Variants in CLDN10 observed in about 807,000 individuals in gnomAD.
The protein encoded by CLDN10 is claudin-10.
CLDN10 carries 15 observed loss-of-function variants against 22.9 expected under a neutral mutation model. That is an observed-to-expected ratio of 0.65 (90% CI 0.44 to 1.01). The LOEUF (loss-of-function observed/expected upper bound fraction) is 1.01. Among genes scored for constraint, CLDN10 ranks in the 50% least tolerant of loss-of-function variants. The pLI, the probability that CLDN10 is intolerant of heterozygous loss-of-function variation, is 0.00. For synonymous variants in CLDN10, 114 were observed against 111.4 expected, an observed-to-expected ratio of 1.02 and a Z score of -0.15; for missense variants, 247 against 287.8, an observed-to-expected ratio of 0.86 and a Z score of 1.03.
intron 1 of CLDN10, among the ~76,000 whole-genome samples, chr13:95,485,006 A>G (rs375200175): frequency 7.2e-5 from 11 of 152,156 alleles, no homozygotes; most frequent in African/African-American, 2.6e-4. Context: ...AGTTGAGAGG[A>G]TGGTTGAATG....
chr13:95,539,818 T>G (rs896613404), intron 1 of CLDN10, among the ~76,000 whole-genome samples: 8 of 152,202 alleles, frequency 5.3e-5, no homozygotes, highest in African/African-American at 1.4e-4. Context: ...TAGAGTACAG[T>G]ATTTTATTCA....
chr13:95,470,970 G>A (rs1261498067), intron 1 of CLDN10, among the ~76,000 whole-genome samples: 2 of 152,194 alleles, frequency 1.3e-5, no homozygotes, highest in Non-Finnish European at 2.9e-5. Context: ...GCTGGGGAAA[G>A]TGAAGGAGAC....
intron 1 of CLDN10, among the ~76,000 whole-genome samples, chr13:95,477,466 C>G (rs1437852332): frequency 1.3e-5 from 2 of 152,062 alleles, no homozygotes; most frequent in East Asian, 3.9e-4. Context: ...GCATATCACC[C>G]GGAGGACTCC....
At chr13:95,549,450 C>A (rs2138636305), upstream of CLDN10, among the ~76,000 whole-genome samples, 1 of 152,256 alleles carries the variant, frequency 6.6e-6, no homozygotes, top group Non-Finnish European at 1.5e-5. Context: ...TTTCAAAAAT[C>A]TCTATTTGGT....
chr13:95,436,211 C>G (rs531090138), intron 1 of CLDN10, among the ~76,000 whole-genome samples: 3 of 152,182 alleles, frequency 2.0e-5, no homozygotes, highest in African/African-American at 7.2e-5. Flanking sequence ...TGAGACAGAA[C>G]CTTGCTTTGT....
intron 1 of CLDN10, among the ~76,000 whole-genome samples, chr13:95,495,413 C>A (rs547951296): frequency 6.6e-6 from 1 of 151,668 alleles, no homozygotes. Context: ...GTCAACTGAG[C>A]CTTTTATTTG....
intron 1 of CLDN10, among the ~76,000 whole-genome samples, chr13:95,474,783 G>A (rs946471084): frequency 6.6e-6 from 1 of 152,144 alleles, no homozygotes; most frequent in South Asian, 2.1e-4. Flanking sequence ...AGAGAGACCT[G>A]GTAAGATCTG....
rs539616185 is a variant in CLDN10, at chr13:95,439,162, C to T, written c.214+5115C>T. On this transcript the variant is annotated intron_variant, in intron 1 of 4. Transcript: ENST00000376873. Reference sequence around the variant, plus strand: ...CCACTCAGGCTGCAATAACAAAATACCATAAACTGGGTAATTCACCAACAT... The same window carrying T: ...CCACTCAGGCTGCAATAACAAAATATCATAAACTGGGTAATTCACCAACAT... 3.3e-5 allele frequency among the ~76,000 whole-genome samples: 5 copies of T among 152,018 alleles called. No homozygotes were observed. The South Asian group carries it at 1.0e-3, about 32-fold the overall frequency.
chr13:95,520,020 G>A (rs2043208477), intron 1 of CLDN10, among the ~76,000 whole-genome samples: 1 of 127,048 alleles, frequency 7.9e-6, no homozygotes, highest in Non-Finnish European at 1.7e-5. Flanking sequence ...GGAATATAGT[G>A]TGTGTGTGTG....
At chr13:95,570,858 GTATATATATATATA>G (rs55861640) in intron 3 of CLDN10, among the ~76,000 whole-genome samples, 4 of 119,706 alleles carry the variant, frequency 3.3e-5, no homozygotes, top group Non-Finnish European at 1.7e-5. Context: ...ATATACGTGT[GTATATATATATATA>G]TATATATATA....
chr13:95,444,982 G>A (rs1230219100), intron 1 of CLDN10, among the ~76,000 whole-genome samples: 3 of 152,128 alleles, frequency 2.0e-5, no homozygotes, highest in African/African-American at 7.2e-5. Context: ...TACCATGTTG[G>A]CCAGGCTGGT....
chr13:95,489,556 C>T (rs1225761083), intron 1 of CLDN10, among the ~76,000 whole-genome samples: 2 of 151,998 alleles, frequency 1.3e-5, no homozygotes, highest in African/African-American at 4.8e-5. Flanking sequence ...TGTCCTTGGG[C>T]CACTTTTTGA....
At chr13:95,452,011 G>C (rs573827421) in intron 1 of CLDN10, among the ~76,000 whole-genome samples, 3 of 152,246 alleles carry the variant, frequency 2.0e-5, no homozygotes, top group East Asian at 1.9e-4. Context: ...GGCTCACCCT[G>C]GTTCTCAACA....
intron 1 of CLDN10, among the ~76,000 whole-genome samples, chr13:95,528,756 G>A (rs1453823933): frequency 1.3e-5 from 2 of 152,160 alleles, no homozygotes; most frequent in Admixed American, 6.5e-5. Flanking sequence ...CAGACACCAC[G>A]GCAAAGCCAC....
intron 1 of CLDN10, among the ~76,000 whole-genome samples, chr13:95,470,463 C>T (rs1339845529): frequency 6.6e-6 from 1 of 152,042 alleles, no homozygotes; most frequent in Admixed American, 6.6e-5. Context: ...ATTAAAGTAG[C>T]TTGTTTGGGG....
chr13:95,456,558 G>T (rs1447886556), intron 1 of CLDN10, among the ~76,000 whole-genome samples: 1 of 152,090 alleles, frequency 6.6e-6, no homozygotes, highest in Non-Finnish European at 1.5e-5. Flanking sequence ...TTCAAGACCA[G>T]CTTGGGCAAC....
chr13:95,503,734 C>T (rs2043009395), intron 1 of CLDN10, among the ~76,000 whole-genome samples: 1 of 152,166 alleles, frequency 6.6e-6, no homozygotes, highest in Non-Finnish European at 1.5e-5. Context: ...TGAAATAAGT[C>T]AGTCACAAAG....
Position 95,560,411 on chromosome 13 carries a change from T to C in CLDN10, c.412T>C (p.Tyr138His). The change falls in exon 3 of 5, where the codon TAT (tyrosine) becomes CAT (histidine). Residue 138 changes from tyrosine to histidine, a missense_variant. Tyr to His is a moderately conservative substitution (Grantham distance 83). Transcript: ENST00000299339. The part of the protein sequence containing the change: ...GLCSMTGCSL[Y>H]ANKITTEFFD... ...GTGCTCAATGACTGGATGTTCCCTA[T>C]ATGCAAACAAAATCACAACGGAATT... 1 of 1,614,090 alleles carries C rather than the reference T, an allele frequency of 6.2e-7. No individual in the cohort carries two copies. The highest frequency in any genetic ancestry group is 8.5e-7 in the Non-Finnish European group (1 of 1,179,936).
intron 1 of CLDN10, among the ~76,000 whole-genome samples, chr13:95,524,004 A>C (rs1594586195): frequency 6.6e-6 from 1 of 152,252 alleles, no homozygotes; most frequent in East Asian, 1.9e-4. Flanking sequence ...TAACATATTT[A>C]AGATATAATT....
Sources: allele counts gnomAD v4.1 joint callset (sites outside exome capture counted in the v4.1 genomes callset), GRCh38; gene constraint gnomAD v4.1.1; transcripts MANE v1.5; gene names NCBI Gene and HGNC (gene_info 2026-07-23, HGNC 2026-07-21).